Variants in FSTL5 observed in about 807,000 individuals in gnomAD.
The protein encoded by FSTL5 is follistatin-related protein 5.
Under a neutral mutation model 89.1 loss-of-function variants are expected in FSTL5, and 62 were observed. The observed-to-expected ratio is 0.70, with a 90% CI of 0.57 to 0.86. The LOEUF is 0.86. Among genes scored for constraint, FSTL5 ranks in the 40% least tolerant of loss-of-function variants. The probability of loss-of-function intolerance (pLI) is 0.00; values close to 1 mark genes in which losing one functional copy is unlikely to be tolerated. For synonymous variants in FSTL5, 383 were observed against 346.2 expected (o/e 1.11, Z -1.18); for missense variants, 1,057 against 1,001.6 (o/e 1.06, Z -0.75).
At position 161,557,454 on chromosome 4, in the gene FSTL5, A is replaced by T. The variant is rs1048398176; in HGVS notation, c.1016-14761T>A. ...ACTTAGTAAAATTAAAAATGTTTAG[A>T]ATATTCCCTAACTTGACAGGCATTA... On this transcript the variant is annotated intron_variant, in intron 8 of 15. Coordinates refer to ENST00000306100, the MANE Select transcript of FSTL5 (RefSeq NM_020116.5). Among the ~76,000 whole-genome samples, 9 of 151,698 alleles carry T rather than the reference A, an allele frequency of 5.9e-5. No homozygotes were observed. The South Asian group carries it at 1.2e-3, about 21-fold the overall frequency.
intron 13 of FSTL5, among the ~76,000 whole-genome samples, chr4:161,473,929 T>C (rs1453912140): frequency 1.3e-5 from 2 of 152,204 alleles, no homozygotes; most frequent in African/African-American, 4.8e-5. Flanking sequence ...TTTGATTAAA[T>C]AATGTAAGCC....
At chr4:161,753,813 C>T (rs950615894) in intron 6 of FSTL5, among the ~76,000 whole-genome samples, 3 of 151,830 alleles carry the variant, frequency 2.0e-5, no homozygotes, top group African/African-American at 4.8e-5. Context: ...GAGGCCGAGG[C>T]GGGTGGATTA....
At chr4:161,536,222 C>T (rs1270643282) in intron 10 of FSTL5, among the ~76,000 whole-genome samples, 1 of 152,068 alleles carries the variant, frequency 6.6e-6, no homozygotes, top group Non-Finnish European at 1.5e-5. Context: ...CCTGCACATG[C>T]ACTCTTTATA....
Position 161,542,401 on chromosome 4 carries a change from T to C in FSTL5, c.1177+131A>G, listed in dbSNP as rs1223644175. 6.2e-6 allele frequency: 3 copies of C among 481,924 alleles called. No individual in the cohort carries two copies. In the East Asian group the frequency reaches 1.1e-4, roughly 17 times the overall value. 29.9% of individuals were successfully genotyped at this position (481,924 alleles called of 1,614,324 possible). On this transcript the variant is annotated intron_variant, in intron 9 of 15. Coordinates refer to ENST00000306100, the MANE Select transcript of FSTL5 (RefSeq NM_020116.5). ...CATATAATTTCTTAGATATGAGCATTTTTTTTCATATTTGTGACATTCTGT... is the reference window on the plus strand; with the variant it reads ...CATATAATTTCTTAGATATGAGCATCTTTTTTCATATTTGTGACATTCTGT...
chr4:161,602,104 T>C (rs1489069589), intron 7 of FSTL5, among the ~76,000 whole-genome samples: 1 of 151,672 alleles, frequency 6.6e-6, no homozygotes, highest in Non-Finnish European at 1.5e-5. Context: ...GGTTGGGTAA[T>C]GTTAGCAGAG....
intron 3 of FSTL5, among the ~76,000 whole-genome samples, chr4:161,993,396 A>G (rs928865915): frequency 6.6e-6 from 1 of 152,122 alleles, no homozygotes; most frequent in African/African-American, 2.4e-5. Context: ...AAAAATTAGA[A>G]TATAATAGTT....
chr4:161,910,812 T>C (rs938406390), intron 4 of FSTL5, among the ~76,000 whole-genome samples: 1 of 152,194 alleles, frequency 6.6e-6, no homozygotes, highest in Non-Finnish European at 1.5e-5. Flanking sequence ...ACTTGGCAGA[T>C]TTTTTCCACT....
chr4:162,101,935 T>C (rs1409482800), intron 2 of FSTL5, among the ~76,000 whole-genome samples: 1 of 152,160 alleles, frequency 6.6e-6, no homozygotes, highest in Admixed American at 6.5e-5. Context: ...AGAAAACATA[T>C]CTTTAGTCAT....
intron 7 of FSTL5, among the ~76,000 whole-genome samples, chr4:161,597,173 T>G (rs527373798): frequency 1.3e-5 from 2 of 152,222 alleles, no homozygotes; most frequent in Admixed American, 1.3e-4. Flanking sequence ...GGTCTAACAT[T>G]TAAGTCTTTA....
chr4:161,869,453 T>C (rs1579156211), intron 4 of FSTL5, among the ~76,000 whole-genome samples: 3 of 152,284 alleles, frequency 2.0e-5, no homozygotes, highest in Non-Finnish European at 2.9e-5. Flanking sequence ...ATAATACCAC[T>C]GTAGCTGACA....
chr4:162,042,036 G>A (rs987355548), intron 2 of FSTL5: 1 of 151,920 alleles, frequency 6.6e-6, no homozygotes, highest in African/African-American at 2.4e-5. Flanking sequence ...TGTAATCCCA[G>A]CTACTCACGA....
intron 4 of FSTL5, among the ~76,000 whole-genome samples, chr4:161,888,759 C>T (rs575446804): frequency 6.6e-6 from 1 of 151,976 alleles, no homozygotes; most frequent in Admixed American, 6.6e-5. Context: ...CATTTAATTA[C>T]TTTAACCAAA....
chr4:162,073,242 G>T (rs1220304206), intron 2 of FSTL5, among the ~76,000 whole-genome samples: 1 of 151,528 alleles, frequency 6.6e-6, no homozygotes, highest in African/African-American at 2.4e-5. Flanking sequence ...ATACTATCAT[G>T]TGTATGTGTG....
At chr4:161,783,039 AT>A (rs2126811456) in intron 4 of FSTL5, among the ~76,000 whole-genome samples, 1 of 152,292 alleles carries the variant, frequency 6.6e-6, no homozygotes, top group South Asian at 2.1e-4. Context: ...ACAAAAGCAA[AT>A]CATAAAGATG....
chr4:161,630,889 C>T (rs1241509134), intron 7 of FSTL5, among the ~76,000 whole-genome samples: 1 of 152,134 alleles, frequency 6.6e-6, no homozygotes, highest in African/African-American at 2.4e-5. Context: ...ATGAACTTGT[C>T]ATAGAAACAA....
chr4:161,515,641 A>T (rs1337254658), intron 10 of FSTL5, among the ~76,000 whole-genome samples: 1 of 151,580 alleles, frequency 6.6e-6, no homozygotes, highest in Non-Finnish European at 1.5e-5. Context: ...TGCCTAATAT[A>T]GTCTTTATAC....
intron 6 of FSTL5, among the ~76,000 whole-genome samples, chr4:161,694,854 T>TG (rs1436762191): frequency 6.7e-6 from 1 of 149,662 alleles, no homozygotes; most frequent in African/African-American, 2.4e-5. Context: ...TTTTTTTTTT[T>TG]TTTTTTTGCA....
chr4:161,681,911 A>C (rs1356021066), intron 6 of FSTL5, among the ~76,000 whole-genome samples: 1 of 152,184 alleles, frequency 6.6e-6, no homozygotes, highest in Non-Finnish European at 1.5e-5. Context: ...AGGTAATTTC[A>C]TCTTTGTGTG....
intron 15 of FSTL5, among the ~76,000 whole-genome samples, chr4:161,452,026 A>C (rs2126393843): frequency 6.6e-6 from 1 of 152,364 alleles, no homozygotes; most frequent in South Asian, 2.1e-4. Context: ...AAGAAAACTA[A>C]TATTAATTCA....
Sources: gnomAD v4.1 joint callset for allele counts (sites outside exome capture counted in the v4.1 genomes callset) on GRCh38, gnomAD v4.1.1 for gene constraint, MANE v1.5 for transcripts, NCBI Gene and HGNC (gene_info 2026-07-23, HGNC 2026-07-21) for gene names.